The following CEP295 variants were observed in gnomAD, a reference collection of about 807,000 sequenced individuals.
The protein encoded by CEP295 is centrosomal protein 295.
Under a neutral mutation model 291.6 loss-of-function variants are expected in CEP295, and 190 were observed. The ratio of observed to expected loss-of-function variants is 0.65; its 90% CI spans 0.58 to 0.73. The LOEUF (loss-of-function observed/expected upper bound fraction) is 0.73. CEP295 is among the 30% of genes least tolerant of loss of function. The pLI, the probability that CEP295 is intolerant of heterozygous loss-of-function variation, is 0.00. For missense variants in CEP295, 2,863 were observed against 2,949.4 expected, an observed-to-expected ratio of 0.97 and a Z score of 0.68; for synonymous variants, 993 against 1,038.8, an observed-to-expected ratio of 0.96 and a Z score of 0.85.
intron 1 of CEP295, among the ~76,000 whole-genome samples, chr11:93,662,691 T>C (rs2134737709): frequency 6.6e-6 from 1 of 152,354 alleles, no homozygotes; most frequent in Admixed American, 6.5e-5. Context: ...AAAATACTAT[T>C]TGGTAAACAC....
At chr11:93,719,906 T>G (rs931292922) in intron 18 of CEP295, among the ~76,000 whole-genome samples, 1 of 152,100 alleles carries the variant, frequency 6.6e-6, no homozygotes, top group East Asian at 1.9e-4. Context: ...CAAGTGTCAG[T>G]TGGTCACTTG....
intron 20 of CEP295, 141 bp from the exon 21 acceptor site, chr11:93,722,899 TG>T: frequency 5.0e-6 from 3 of 603,258 alleles, no homozygotes; most frequent in Admixed American, 6.6e-5. Flanking sequence ...TTAGTAGAGA[TG>T]GGGTTTCACC....
At chr11:93,681,403 ATT>A (rs71064773) in intron 7 of CEP295, among the ~76,000 whole-genome samples, 12 of 36,526 alleles carry the variant, frequency 3.3e-4, no homozygotes, top group Admixed American at 1.2e-3. Flanking sequence ...CACCCAGCTA[ATT>A]TTTTTTTTTT....
intron 15 of CEP295, 44 bp downstream of exon 15, chr11:93,700,230 AC>A: frequency 6.9e-7 from 1 of 1,456,484 alleles, no homozygotes. Context: ...AGAAGTTTAA[AC>A]CCAAATCAGT....
At position 93,683,543 on chromosome 11, in the gene CEP295, C is replaced by A. The variant is rs1951078061; in HGVS notation, c.766-16C>A. 1.3e-6 allele frequency: 2 copies of A among 1,484,324 alleles called. No individual in the cohort carries two copies. Among genetic ancestry groups the A allele is most frequent in the Non-Finnish European group, 1.8e-6 (2 of 1,121,726 alleles). The allele number at this position is 1,484,324 out of a possible 1,614,324, so 91.9% of individuals were successfully genotyped here. On this transcript the variant is annotated splice_polypyrimidine_tract_variant and intron_variant, in intron 7 of 29. Coordinates refer to ENST00000325212, the MANE Select transcript of CEP295 (RefSeq NM_033395.2). ...GTTTGTGACTCAGTTTTTGTTAATT[C>A]TCTTTATTCTTGAAGAATCAGGAGA...
chr11:93,684,272 G>T, intron 9 of CEP295, 144 bp downstream of exon 9: 1 of 584,996 alleles, frequency 1.7e-6, no homozygotes, highest in African/African-American at 1.9e-5. Flanking sequence ...AGGATACAAC[G>T]TTTTTATATT....
intron 5 of CEP295, among the ~76,000 whole-genome samples, chr11:93,672,009 G>A (rs538062772): frequency 6.6e-6 from 1 of 152,188 alleles, no homozygotes; most frequent in African/African-American, 2.4e-5. Flanking sequence ...TTTATGTCAG[G>A]TTTTTTTATT....
rs376307133 is a variant in CEP295 at position 93,691,747 on chromosome 11, G to A, written c.1401G>A (p.Ser467=). ...TTGCTAGTGAAGATAAACCACTTTC[G>A]TGTGGTACAAACTCTGGAAAAGAAC... ...GPLASEDKPL[S]CGTNSGKEQE... is the part of the protein sequence containing the mutation. The change falls in exon 11 of 30, where the codon TCG becomes TCA. Residue 467 remains serine, a synonymous_variant. Transcript: ENST00000325212. 3.0e-5 allele frequency: 46 copies of A among 1,546,132 alleles called. No homozygotes were observed. The highest frequency in any genetic ancestry group is 2.9e-4 in the African/African-American group (21 of 72,862).
chr11:93,701,590 G>A (rs1440544789), intron 15 of CEP295, among the ~76,000 whole-genome samples: 3 of 151,674 alleles, frequency 2.0e-5, no homozygotes, highest in African/African-American at 7.3e-5. Flanking sequence ...GTTTTTTTTT[G>A]TTTGTTTTTT....
intron 7 of CEP295, 35 bp downstream of exon 7, chr11:93,679,587 T>C: frequency 6.5e-7 from 1 of 1,535,162 alleles, no homozygotes. Context: ...CCATTACTCA[T>C]GGACTTACTA....
intron 6 of CEP295, among the ~76,000 whole-genome samples, chr11:93,676,607 G>A (rs1433600712): frequency 6.6e-6 from 1 of 151,932 alleles, no homozygotes; most frequent in African/African-American, 2.4e-5. Context: ...GTAAATCTGA[G>A]ATTTATTTAA....
At chr11:93,663,062 T>C (rs996435208) in intron 1 of CEP295, among the ~76,000 whole-genome samples, 40 of 152,328 alleles carry the variant, frequency 2.6e-4, no homozygotes, top group African/African-American at 9.4e-4. Flanking sequence ...AAAGACAGAC[T>C]GAGAAACTGT....
rs190020052 is a variant in CEP295, at chr11:93,672,670, A to G, written c.528+2900A>G. Among the ~76,000 whole-genome samples the G allele has an allele frequency of 4.9e-3, 742 of 152,302 alleles. 14 individuals carry two copies. Among genetic ancestry groups the G allele is most frequent in the African/African-American group, 0.017 (695 of 41,560 alleles). ...AGCTGGTTTTGTCCTGTACTTGGGT[A>G]GATAAGGCTAGAAATAGTTACTGTG... is the stretch of plus-strand genomic sequence containing the variant. On this transcript the variant is annotated intron_variant, in intron 5 of 29. Transcript: ENST00000325212.
At chr11:93,673,566 T>C (rs1950548015) in intron 5 of CEP295, among the ~76,000 whole-genome samples, 1 of 152,052 alleles carries the variant, frequency 6.6e-6, no homozygotes, top group South Asian at 2.1e-4. Context: ...CAGTCTCGGC[T>C]CCCTGCAACC....
At chr11:93,676,914 G>C (rs763537072) in intron 6 of CEP295, among the ~76,000 whole-genome samples, 2 of 151,986 alleles carry the variant, frequency 1.3e-5, no homozygotes, top group Non-Finnish European at 2.9e-5. Context: ...TTAGAAAAAA[G>C]TTCGGGACCA....
intron 17 of CEP295, among the ~76,000 whole-genome samples, chr11:93,706,033 C>G (rs1304677735): frequency 4.6e-5 from 7 of 152,150 alleles, no homozygotes; most frequent in Non-Finnish European, 8.8e-5. Flanking sequence ...TCCACTCTTG[C>G]CTGCTTTCTG....
chr11:93,669,865 A>C (rs1950352200), intron 5 of CEP295, 95 bp downstream of exon 5: 2 of 754,628 alleles, frequency 2.7e-6, no homozygotes, highest in Non-Finnish European at 4.3e-6. Flanking sequence ...ACTTAATTGT[A>C]CAAGTTTTCT....
At chr11:93,726,516 C>T (rs748352974) in intron 23 of CEP295, 1 of 153,188 alleles carries the variant, frequency 6.5e-6, no homozygotes, top group African/African-American at 2.4e-5. Context: ...AGGAGGATCC[C>T]TGGAGCCCAG....
intron 18 of CEP295, among the ~76,000 whole-genome samples, chr11:93,717,865 G>A (rs753910810): frequency 6.6e-6 from 1 of 152,070 alleles, no homozygotes; most frequent in Non-Finnish European, 1.5e-5. Context: ...TACCAGGGAC[G>A]GCTTTTCTCT....
Sources: gnomAD v4.1 joint callset for allele counts (sites outside exome capture counted in the v4.1 genomes callset) on GRCh38, gnomAD v4.1.1 for gene constraint, MANE v1.5 for transcripts, NCBI Gene and HGNC (gene_info 2026-07-23, HGNC 2026-07-21) for gene names.